The following COPS7B variants were observed in gnomAD, a reference collection of about 807,000 sequenced individuals.
The protein encoded by COPS7B is COP9 signalosome subunit 7B.
In COPS7B, 9 loss-of-function variants were observed where a neutral mutation model predicts 33.4. The ratio of observed to expected loss-of-function variants is 0.27; its 90% CI spans 0.16 to 0.47. The LOEUF (loss-of-function observed/expected upper bound fraction) is 0.47, where lower values mean the gene tolerates loss of function less well. Ranked by LOEUF, COPS7B falls within the 20% of genes least tolerant of loss-of-function variation. COPS7B has a pLI of 0.99. For synonymous variants in COPS7B, 119 were observed against 126.3 expected, an observed-to-expected ratio of 0.94 and a Z score of 0.39; for missense variants, 242 against 318.2, an observed-to-expected ratio of 0.76 and a Z score of 1.82.
At position 231,801,165 on chromosome 2, in the gene COPS7B, G is replaced by A. The variant is rs758206981; in HGVS notation, c.636+2201G>A. ...ATTGCTTGTTTTCAGAGGGAAAAACGTGATGTCCCCCTCCTGAATCTTATA... is the reference window on the plus strand; with the variant it reads ...ATTGCTTGTTTTCAGAGGGAAAAACATGATGTCCCCCTCCTGAATCTTATA... On this transcript the variant is annotated intron_variant, in intron 6 of 6. Transcript: ENST00000350033. 91 of 1,550,352 alleles carry A rather than the reference G, an allele frequency of 5.9e-5. 1 individual carries two copies. The Middle Eastern group carries it at 8.3e-4, about 14-fold the overall frequency.
In COPS7B at chr2:231,807,510, C is replaced by G. The variant is rs763918312; in HGVS notation, c.660C>G (p.Leu220=). The G allele has an allele frequency of 1.2e-6, 2 of 1,613,338 alleles. No individual in the cohort carries two copies. The highest frequency in any genetic ancestry group is 1.3e-5 in the African/African-American group (1 of 75,004). ...AGGTTACCAACATCAAGAAGACACT[C>G]AAAGCCACCGCATCCTCCTCGGCTC... ...EAEVTNIKKT[L]KATASSSAQE... The change falls in exon 7 of 7, where the codon CTC becomes CTG. Residue 220 remains leucine, a synonymous_variant. Coordinates refer to ENST00000350033, the MANE Select transcript of COPS7B (RefSeq NM_022730.4).
chr2:231,786,424 C>A, upstream of COPS7B: 1 of 985,466 alleles, frequency 1.0e-6, no homozygotes, highest in Non-Finnish European at 1.2e-6. Flanking sequence ...GGCGACGGGT[C>A]GGCGGAGACA....
rs1380015549 is a variant in COPS7B at position 231,794,428 on chromosome 2, C to T, written c.327+77C>T. The T allele has an allele frequency of 9.6e-6, 11 of 1,149,132 alleles. No homozygotes were observed. In the East Asian group the frequency reaches 2.2e-4, roughly 23 times the overall value. 71.2% of individuals were successfully genotyped at this position (1,149,132 alleles called of 1,614,324 possible). A position where few individuals can be genotyped will look rare whatever the true frequency, so the allele number is the denominator to read the frequency against. ...TCATTGACATCAATGAAGGAAGTCC[C>T]AGCTGCACATAGGAGAGTCACATCA... On this transcript the variant is annotated intron_variant, in intron 4 of 6. Transcript: ENST00000350033.
intron 6 of COPS7B, among the ~76,000 whole-genome samples, chr2:231,799,219 C>T (rs552636674): frequency 4.2e-4 from 64 of 152,180 alleles, no homozygotes; most frequent in African/African-American, 1.5e-3. Context: ...GTTGTAGTTT[C>T]AGTACACATG....
chr2:231,785,617 G>A (rs542436520), upstream of COPS7B, among the ~76,000 whole-genome samples: 2 of 152,334 alleles, frequency 1.3e-5, no homozygotes, highest in African/African-American at 2.4e-5. Flanking sequence ...ATAAATGAAT[G>A]AGTTGGTTGA....
intron 6 of COPS7B, chr2:231,801,252 C>T: frequency 6.5e-7 from 1 of 1,548,120 alleles, no homozygotes; most frequent in Non-Finnish European, 8.7e-7. Flanking sequence ...GAAGTCAGCC[C>T]TATCACAGAC....
At chr2:231,807,286 G>T (rs980762567) in intron 6 of COPS7B, among the ~76,000 whole-genome samples, 1 of 152,168 alleles carries the variant, frequency 6.6e-6, no homozygotes, top group African/African-American at 2.4e-5. Flanking sequence ...GAGAGCATTA[G>T]TCCCACATTT....
At chr2:231,794,860 A>G (rs1320480196) in intron 4 of COPS7B, among the ~76,000 whole-genome samples, 1 of 151,440 alleles carries the variant, frequency 6.6e-6, no homozygotes, top group Non-Finnish European at 1.5e-5. Context: ...GATTCGAGCG[A>G]TTCCCCTACT....
chr2:231,799,805 C>T (rs2049690801), intron 6 of COPS7B, among the ~76,000 whole-genome samples: 1 of 152,112 alleles, frequency 6.6e-6, no homozygotes, highest in East Asian at 1.9e-4. Flanking sequence ...CCCGTAATTC[C>T]AGCTAAGAAG....
At chr2:231,785,796 G>A (rs187588867), upstream of COPS7B, among the ~76,000 whole-genome samples, 3 of 152,344 alleles carry the variant, frequency 2.0e-5, no homozygotes, top group East Asian at 5.8e-4. Flanking sequence ...TCCCAGGGGA[G>A]TTGGTAAGCA....
In COPS7B at chr2:231,800,158, A is replaced by G. The variant is rs551821690; in HGVS notation, c.636+1194A>G. On this transcript the variant is annotated intron_variant, in intron 6 of 6. Coordinates refer to ENST00000350033, the MANE Select transcript of COPS7B (RefSeq NM_022730.4). ...GCCAAGGAAGTATGAGGCTGGGTGC[A>G]GTGGTTCACACCTGTAATCCCAACA... Among the ~76,000 whole-genome samples, 3 of 152,354 alleles carry G rather than the reference A, an allele frequency of 2.0e-5. No homozygotes were observed. In the East Asian group the frequency reaches 5.8e-4, roughly 29 times the overall value.
At chr2:231,803,264 G>T (rs1316592979) in intron 6 of COPS7B, among the ~76,000 whole-genome samples, 1 of 152,096 alleles carries the variant, frequency 6.6e-6, no homozygotes, top group Admixed American at 6.6e-5. Context: ...GGATCAGAGG[G>T]GCAACCTGGG....
intron 6 of COPS7B, among the ~76,000 whole-genome samples, chr2:231,799,901 A>G (rs2049693929): frequency 6.6e-6 from 1 of 152,152 alleles, no homozygotes; most frequent in Non-Finnish European, 1.5e-5. Context: ...CACTCCTTGA[A>G]AATAAAACCT....
intron 6 of COPS7B, among the ~76,000 whole-genome samples, chr2:231,802,931 C>T (rs1641044001): frequency 1.3e-5 from 2 of 152,252 alleles, no homozygotes; most frequent in Admixed American, 1.3e-4. Context: ...GGCCCTGCCC[C>T]AGCCCAGGCC....
At chr2:231,795,647 T>C (rs1439219240) in intron 4 of COPS7B, among the ~76,000 whole-genome samples, 2 of 152,222 alleles carry the variant, frequency 1.3e-5, no homozygotes, top group East Asian at 1.9e-4. Flanking sequence ...TGGCCACCTA[T>C]AGGTAGATAT....
At chr2:231,799,118 T>C (rs917212829) in intron 6 of COPS7B, among the ~76,000 whole-genome samples, 154 bp downstream of exon 6, 1 of 152,166 alleles carries the variant, frequency 6.6e-6, no homozygotes, top group Non-Finnish European at 1.5e-5. Context: ...CAGGGATGAG[T>C]GTGACACGGC....
Position 231,795,481 on chromosome 2 carries a change from C to G in COPS7B, c.328-625C>G, listed in dbSNP as rs116896277. On this transcript the variant is annotated intron_variant, in intron 4 of 6. Coordinates refer to ENST00000350033, the MANE Select transcript of COPS7B (RefSeq NM_022730.4). ...GGCCTATTTTGTTGTGAAATGAGGA[C>G]CTGACCTTTTTTCTTGTACTGATTG... Among the ~76,000 whole-genome samples, 53 of 152,288 alleles carry G rather than the reference C, an allele frequency of 3.5e-4. No homozygotes were observed. In the East Asian group the frequency reaches 9.8e-3, roughly 28 times the overall value.
chr2:231,781,978 C>A (rs753628255), upstream of COPS7B: 72 of 1,204,348 alleles, frequency 6.0e-5, 1 homozygote, highest in Admixed American at 3.9e-4. Context: ...GTCTGAGGCG[C>A]CTTTTACATG....
At chr2:231,790,887 C>T (rs917991451) in intron 2 of COPS7B, 4 of 152,062 alleles carry the variant, frequency 2.6e-5, no homozygotes, top group Non-Finnish European at 5.9e-5. Flanking sequence ...TACAGGCGCC[C>T]GCCACCGCGC....
Sources: allele counts gnomAD v4.1 joint callset (sites outside exome capture counted in the v4.1 genomes callset), GRCh38; gene constraint gnomAD v4.1.1; transcripts MANE v1.5; gene names NCBI Gene and HGNC (gene_info 2026-07-23, HGNC 2026-07-21).